PLA2G4A: variants seen among roughly 807,000 people sequenced by gnomAD.
PLA2G4A encodes the protein cytosolic phospholipase A2.
PLA2G4A carries 40 observed loss-of-function variants against 81.9 expected under a neutral mutation model. That is an observed-to-expected ratio of 0.49 (90% CI 0.38 to 0.64). The LOEUF (loss-of-function observed/expected upper bound fraction) is 0.64, where lower values mean the gene tolerates loss of function less well. PLA2G4A is among the 30% of genes least tolerant of loss of function. PLA2G4A has a pLI of 0.00. For missense variants in PLA2G4A, 715 were observed against 905.1 expected (o/e 0.79, Z 2.69); for synonymous variants, 302 against 296.9 (o/e 1.02, Z -0.18).
chr1:186,974,460 A>G (rs1657461872), intron 15 of PLA2G4A, among the ~76,000 whole-genome samples: 1 of 152,176 alleles, frequency 6.6e-6, no homozygotes, highest in South Asian at 2.1e-4. Flanking sequence ...AGGCCACAGC[A>G]CTCCAGCCTG....
At chr1:186,882,388 G>T (rs1189974130) in intron 3 of PLA2G4A, among the ~76,000 whole-genome samples, 1 of 152,092 alleles carries the variant, frequency 6.6e-6, no homozygotes, top group Non-Finnish European at 1.5e-5. Context: ...ACAACAACTT[G>T]AATAAACTTT....
At position 186,946,939 on chromosome 1, in the gene PLA2G4A, C is replaced by T. The variant is rs775880508; in HGVS notation, c.1242C>T (p.Gly414=). 1 of 1,603,614 alleles carries T rather than the reference C, an allele frequency of 6.2e-7. No individual in the cohort carries two copies. Among genetic ancestry groups the T allele is most frequent in the South Asian group, 1.1e-5 (1 of 90,904 alleles). The change falls in exon 12 of 18, where the codon GGC becomes GGT. Residue 414 remains glycine, a synonymous_variant. Transcript: ENST00000367466. ...GCGTTTCTGGTTCACAAAGCAGAGG[C>T]TCCACAATGGAGGAAGAATTAGGTA... The part of the protein sequence containing the change: ...VLGVSGSQSR[G]STMEEELENI...
chr1:186,857,523 ATAAC>A (rs991787118), intron 2 of PLA2G4A, among the ~76,000 whole-genome samples: 3 of 139,806 alleles, frequency 2.1e-5, no homozygotes, highest in African/African-American at 8.0e-5. Context: ...ATAATATAAT[ATAAC>A]TATAGAATAT....
At chr1:186,946,335 C>T (rs1375843390) in intron 10 of PLA2G4A, among the ~76,000 whole-genome samples, 8 of 152,034 alleles carry the variant, frequency 5.3e-5, no homozygotes, top group Admixed American at 5.3e-4. Flanking sequence ...GTTTCCTGTT[C>T]TGTAGAATGA....
intron 6 of PLA2G4A, among the ~76,000 whole-genome samples, chr1:186,911,019 TATCTAAAGC>T (rs1654918941): frequency 6.6e-6 from 1 of 152,280 alleles, no homozygotes; most frequent in Non-Finnish European, 1.5e-5. Flanking sequence ...TCGTTTATTT[TATCTAAAGC>T]ATTGGAAAGT....
At chr1:186,977,043 T>C (rs1448160923) in intron 15 of PLA2G4A, among the ~76,000 whole-genome samples, 3 of 152,184 alleles carry the variant, frequency 2.0e-5, no homozygotes, top group African/African-American at 4.8e-5. Context: ...GGCCGTTACA[T>C]GTAATAGCAA....
At chr1:186,865,361 A>C (rs1652988009) in intron 2 of PLA2G4A, among the ~76,000 whole-genome samples, 1 of 152,166 alleles carries the variant, frequency 6.6e-6, no homozygotes, top group Non-Finnish European at 1.5e-5. Flanking sequence ...AATGCTGATC[A>C]TTCTTTAAAA....
chr1:186,843,191 T>A (rs1381382622), intron 1 of PLA2G4A, among the ~76,000 whole-genome samples: 2 of 152,250 alleles, frequency 1.3e-5, no homozygotes, highest in African/African-American at 4.8e-5. Context: ...TATCTTGTTA[T>A]AAAGATTAAA....
chr1:186,887,066 G>A (rs1205417246), intron 3 of PLA2G4A, among the ~76,000 whole-genome samples: 1 of 152,114 alleles, frequency 6.6e-6, no homozygotes, highest in Non-Finnish European at 1.5e-5. Flanking sequence ...GAAGGTCATG[G>A]TATTTCAATG....
chr1:186,909,454 A>G (rs867279740), intron 6 of PLA2G4A, among the ~76,000 whole-genome samples: 1 of 151,326 alleles, frequency 6.6e-6, no homozygotes, highest in Admixed American at 6.6e-5. Context: ...CGAGGTCAGG[A>G]GTTCCAGACC....
At chr1:186,904,366 A>C (rs1654660249) in intron 5 of PLA2G4A, among the ~76,000 whole-genome samples, 1 of 152,236 alleles carries the variant, frequency 6.6e-6, no homozygotes, top group Non-Finnish European at 1.5e-5. Flanking sequence ...CCTGTAATGC[A>C]GAGATGCTTT....
At chr1:186,938,871 T>G (rs1287399056) in intron 8 of PLA2G4A, 137 bp from the exon 9 acceptor site, 1 of 676,696 alleles carries the variant, frequency 1.5e-6, no homozygotes, top group Non-Finnish European at 2.7e-6. Context: ...TTCTTAAATG[T>G]TTTAATATCT....
At chr1:186,833,431 A>G (rs7535459) in intron 1 of PLA2G4A, among the ~76,000 whole-genome samples, 1 of 151,758 alleles carries the variant, frequency 6.6e-6, no homozygotes, top group African/African-American at 2.4e-5. Flanking sequence ...AAATAATATT[A>G]TTGGTTGTGA....
chr1:186,871,723 C>A (rs774442251), intron 3 of PLA2G4A, among the ~76,000 whole-genome samples: 27 of 152,008 alleles, frequency 1.8e-4, no homozygotes, highest in Non-Finnish European at 3.2e-4. Flanking sequence ...AGACTTAGGA[C>A]TGAGATTTTT....
intron 2 of PLA2G4A, among the ~76,000 whole-genome samples, chr1:186,857,213 A>G (rs1489473638): frequency 4.3e-5 from 1 of 23,368 alleles, no homozygotes; most frequent in East Asian, 1.3e-3. Flanking sequence ...CTGAATGGCC[A>G]GTTCACCAGA....
intron 13 of PLA2G4A, among the ~76,000 whole-genome samples, chr1:186,955,013 G>A (rs1419266132): frequency 1.3e-5 from 2 of 152,136 alleles, no homozygotes; most frequent in Non-Finnish European, 2.9e-5. Context: ...GGAAATGGAG[G>A]AAGAGAAGGG....
chr1:186,845,751 A>G (rs888596916), intron 1 of PLA2G4A, among the ~76,000 whole-genome samples: 3 of 152,186 alleles, frequency 2.0e-5, no homozygotes, highest in African/African-American at 7.2e-5. Context: ...TTTTCCTGAG[A>G]AGTCCATCTT....
chr1:186,854,514 C>A, intron 2 of PLA2G4A, 127 bp downstream of exon 2: 3 of 718,220 alleles, frequency 4.2e-6, no homozygotes, highest in South Asian at 3.0e-5. Context: ...CTCATATGAA[C>A]TTAATATAAT....
intron 2 of PLA2G4A, among the ~76,000 whole-genome samples, chr1:186,861,660 GAGTTCCAC>G (rs1330364310): frequency 6.6e-6 from 1 of 151,976 alleles, no homozygotes; most frequent in Non-Finnish European, 1.5e-5. Context: ...TATTTTATAG[GAGTTCCAC>G]AGATGCTAAA....
Sources: allele counts gnomAD v4.1 joint callset (sites outside exome capture counted in the v4.1 genomes callset), GRCh38; gene constraint gnomAD v4.1.1; transcripts MANE v1.5; gene names NCBI Gene and HGNC (gene_info 2026-07-23, HGNC 2026-07-21).